NRXN1: variants seen among roughly 807,000 people sequenced by gnomAD.
The protein encoded by NRXN1 is neurexin 1, also known as neurexin-1.
A neutral mutation model predicts 150.9 loss-of-function variants in NRXN1; 39 were observed. That is an observed-to-expected ratio of 0.26 (90% confidence interval 0.20 to 0.34). NRXN1 has a LOEUF of 0.34. NRXN1 is among the 10% of genes least tolerant of loss of function. The pLI is 1.00. For missense variants in NRXN1, 1,815 were observed against 1,949.9 expected (o/e 0.93, Z 1.30); for synonymous variants, 924 against 757.0 (o/e 1.22, Z -3.62).
intron 5 of NRXN1, among the ~76,000 whole-genome samples, chr2:50,845,426 T>C (rs764829406): frequency 2.6e-5 from 4 of 152,206 alleles, no homozygotes; most frequent in Non-Finnish European, 5.9e-5. Flanking sequence ...ATGCTTCAGA[T>C]AGGTTAGGGA....
chr2:50,793,120 G>T (rs1706294521), intron 5 of NRXN1, among the ~76,000 whole-genome samples: 1 of 152,068 alleles, frequency 6.6e-6, no homozygotes, highest in Non-Finnish European at 1.5e-5. Flanking sequence ...GAGATGATAT[G>T]ATTTATCCAG....
At chr2:50,140,806 T>C (rs1444394059) in intron 18 of NRXN1, among the ~76,000 whole-genome samples, 1 of 151,996 alleles carries the variant, frequency 6.6e-6, no homozygotes, top group Non-Finnish European at 1.5e-5. Flanking sequence ...ATGGGAAGGC[T>C]CTGACTGAAG....
At chr2:50,937,974 C>A (rs1168964406) in intron 2 of NRXN1, among the ~76,000 whole-genome samples, 1 of 152,010 alleles carries the variant, frequency 6.6e-6, no homozygotes, top group South Asian at 2.1e-4. Context: ...AGGCTATCAA[C>A]CCATGTAGCA....
At chr2:50,051,848 A>G (rs1364152080) in intron 21 of NRXN1, among the ~76,000 whole-genome samples, 1 of 152,128 alleles carries the variant, frequency 6.6e-6, no homozygotes, top group Non-Finnish European at 1.5e-5. Context: ...CAATAAATAT[A>G]TATTTGTGAA....
chr2:50,703,261 G>T (rs2104979124), intron 5 of NRXN1, among the ~76,000 whole-genome samples: 1 of 152,122 alleles, frequency 6.6e-6, no homozygotes, highest in East Asian at 1.9e-4. Context: ...TGAGGGAAAG[G>T]GGAGAAAGAC....
At chr2:50,044,003 C>T (rs1260407914) in intron 21 of NRXN1, among the ~76,000 whole-genome samples, 1 of 152,000 alleles carries the variant, frequency 6.6e-6, no homozygotes, top group African/African-American at 2.4e-5. Flanking sequence ...AGAAAAAAGG[C>T]AATAGCACAG....
In NRXN1 at chr2:50,310,851, CCTTAT is replaced by C. The variant is rs1409238605; in HGVS notation, c.3365-73886_3365-73882del. Among the ~76,000 whole-genome samples the C allele has an allele frequency of 7.2e-5, 11 of 152,204 alleles. No homozygotes were observed. In the South Asian group the frequency reaches 2.3e-3, roughly 32 times the overall value. Reference sequence around the variant, plus strand: ...AGCAGACAGAAAGCATCACATCTTACCTTATAAGACTGCATTTATAATTACCATGT... The same window carrying C: ...AGCAGACAGAAAGCATCACATCTTACAAGACTGCATTTATAATTACCATGT... On this transcript the variant is annotated intron_variant, in intron 17 of 22. Transcript: ENST00000401669.
intron 12 of NRXN1, among the ~76,000 whole-genome samples, chr2:50,519,903 C>T (rs1426111242): frequency 6.6e-6 from 1 of 151,772 alleles, no homozygotes; most frequent in Non-Finnish European, 1.5e-5. Flanking sequence ...CTTTATATAA[C>T]CTTGGCATAA....
chr2:50,731,877 T>TG (rs1698149136), intron 5 of NRXN1, among the ~76,000 whole-genome samples: 5 of 152,168 alleles, frequency 3.3e-5, no homozygotes, highest in African/African-American at 9.7e-5. Flanking sequence ...TTGTTTTCGT[T>TG]TGGCTGTTGG....
At chr2:50,325,670 G>C (rs1390616718) in intron 17 of NRXN1, among the ~76,000 whole-genome samples, 1 of 152,090 alleles carries the variant, frequency 6.6e-6, no homozygotes, top group African/African-American at 2.4e-5. Context: ...ATTATTAACA[G>C]TATTATTCAA....
intron 17 of NRXN1, among the ~76,000 whole-genome samples, chr2:50,430,139 C>T (rs1342632883): frequency 2.0e-5 from 3 of 152,156 alleles, no homozygotes; most frequent in African/African-American, 7.2e-5. Context: ...AAATCCTTAA[C>T]TGTCACTCAA....
At chr2:49,973,615 GCACACA>G (rs34492177) in intron 21 of NRXN1, among the ~76,000 whole-genome samples, 3 of 147,964 alleles carry the variant, frequency 2.0e-5, no homozygotes, top group Admixed American at 6.8e-5. Context: ...ACATACATAT[GCACACA>G]CACACACACA....
chr2:50,272,355 G>A (rs1034367134), intron 17 of NRXN1, among the ~76,000 whole-genome samples: 5 of 152,152 alleles, frequency 3.3e-5, no homozygotes, highest in African/African-American at 1.2e-4. Flanking sequence ...GAGACAGTAG[G>A]AGAAACGTAG....
chr2:50,883,421 C>CT (rs11388531), intron 5 of NRXN1, among the ~76,000 whole-genome samples: 6,340 of 143,976 alleles, frequency 0.044, 271 homozygotes, highest in East Asian at 0.25. Flanking sequence ...ACATTTACAT[C>CT]TTTTTTTTTT....
At chr2:50,120,518 A>G (rs1703712650) in intron 18 of NRXN1, among the ~76,000 whole-genome samples, 1 of 152,222 alleles carries the variant, frequency 6.6e-6, no homozygotes, top group Non-Finnish European at 1.5e-5. Flanking sequence ...TTACTTTTCA[A>G]AATAGGCAAT....
intron 21 of NRXN1, among the ~76,000 whole-genome samples, chr2:49,987,950 T>C (rs1681217779): frequency 6.6e-6 from 1 of 152,090 alleles, no homozygotes; most frequent in Non-Finnish European, 1.5e-5. Flanking sequence ...ATGAAAATCA[T>C]CAGTTTGAAT....
intron 5 of NRXN1, among the ~76,000 whole-genome samples, chr2:50,675,927 A>G (rs1017274507): frequency 3.9e-5 from 6 of 152,120 alleles, no homozygotes; most frequent in African/African-American, 1.4e-4. Flanking sequence ...CTTAAGATCC[A>G]GTCAAAAAGA....
intron 5 of NRXN1, among the ~76,000 whole-genome samples, chr2:50,916,455 G>T: frequency 6.7e-6 from 1 of 149,838 alleles, no homozygotes; most frequent in East Asian, 2.0e-4. Flanking sequence ...CTCCTATCAA[G>T]CCTAAAAGTG....
intron 18 of NRXN1, among the ~76,000 whole-genome samples, chr2:50,139,905 C>G (rs577905093): frequency 6.6e-6 from 1 of 152,094 alleles, no homozygotes; most frequent in South Asian, 2.1e-4. Flanking sequence ...TAAAATATAT[C>G]AAATATTTCA....
Sources: allele counts gnomAD v4.1 joint callset (sites outside exome capture counted in the v4.1 genomes callset), GRCh38; gene constraint gnomAD v4.1.1; transcripts MANE v1.5; gene names NCBI Gene and HGNC (gene_info 2026-07-23, HGNC 2026-07-21).